The following TENM1 variants were observed in gnomAD, a reference collection of about 807,000 sequenced individuals.
The protein encoded by TENM1 is teneurin-1.
TENM1 carries 35 observed loss-of-function variants against 174.8 expected under a neutral mutation model. The observed-to-expected ratio is 0.20, with a 90% CI of 0.15 to 0.27. The LOEUF (loss-of-function observed/expected upper bound fraction) is 0.27. TENM1 is among the 10% of genes least tolerant of loss of function. The probability of loss-of-function intolerance (pLI) is 1.00; values close to 1 mark genes in which losing one functional copy is unlikely to be tolerated. For synonymous variants in TENM1, 781 were observed against 798.7 expected, an observed-to-expected ratio of 0.98 and a Z score of 0.37; for missense variants, 1,633 against 2,130.1, an observed-to-expected ratio of 0.77 and a Z score of 4.59.
At chrX:124,732,521 A>G (rs1024195175) in intron 4 of TENM1, among the ~76,000 whole-genome samples, 8 of 111,744 alleles carry the variant, frequency 7.2e-5, no homozygotes, top group African/African-American at 2.6e-4. Context: ...CCGTAGCCTC[A>G]GTTGACTATG....
chrX:125,103,005 C>T, the TENM1 span, among the ~76,000 whole-genome samples: 4 of 111,867 alleles, frequency 3.6e-5, no homozygotes, highest in Admixed American at 2.8e-4. Context: ...TAAAAAGTAT[C>T]CACGATGAAA....
chrX:125,181,873 G>T, the TENM1 span, among the ~76,000 whole-genome samples: 2 of 111,763 alleles, frequency 1.8e-5, no homozygotes. Context: ...ACCAATTTCA[G>T]CATGAAGAAT....
At chrX:124,895,835 T>C (rs1367299816) in intron 2 of TENM1, 146 bp downstream of exon 5, 11 of 625,155 alleles carry the variant, frequency 1.8e-5, no homozygotes, top group Admixed American at 3.6e-5. Flanking sequence ...CTTAGGTGCA[T>C]GCCTTGTCCA....
intron 10 of TENM1, among the ~76,000 whole-genome samples, chrX:124,644,067 A>ATATG (rs1347095742): frequency 3.1e-5 from 3 of 98,140 alleles, no homozygotes; most frequent in African/African-American, 1.1e-4. Flanking sequence ...ATATATATAT[A>ATATG]TGTGTATATA....
chrX:124,767,005 T>C (rs1334647075), intron 3 of TENM1, among the ~76,000 whole-genome samples: 1 of 112,039 alleles, frequency 8.9e-6, no homozygotes, highest in Non-Finnish European at 1.9e-5. Flanking sequence ...TTAATTACAA[T>C]GAATACAATG....
chrX:124,917,324 C>CT (rs1008700762), intron 1 of TENM1, among the ~76,000 whole-genome samples: 2 of 110,985 alleles, frequency 1.8e-5, no homozygotes, highest in South Asian at 3.8e-4. Flanking sequence ...GCCAAAAAAA[C>CT]TTTTTTTTTC....
chrX:124,601,706 A>G (rs910650895), intron 11 of TENM1, among the ~76,000 whole-genome samples: 1 of 110,024 alleles, frequency 9.1e-6, no homozygotes, highest in Non-Finnish European at 1.9e-5. Flanking sequence ...AAACCGTATG[A>G]TTTTTTTCCA....
At chrX:124,952,126 A>G (rs2058498233) in intron 1 of TENM1, among the ~76,000 whole-genome samples, 1 of 111,533 alleles carries the variant, frequency 9.0e-6, no homozygotes, top group Non-Finnish European at 1.9e-5. Flanking sequence ...CCTGGGGCTT[A>G]GAGTATGTGG....
the TENM1 span, chrX:125,203,925 C>G: frequency 8.9e-6 from 1 of 112,730 alleles, no homozygotes; most frequent in African/African-American, 3.2e-5. Context: ...CCGACTCCTG[C>G]GGGAAACGAC....
chrX:125,046,725 C>A, the TENM1 span, among the ~76,000 whole-genome samples: 2 of 111,605 alleles, frequency 1.8e-5, no homozygotes, highest in East Asian at 5.7e-4. Flanking sequence ...TCACTTCTAA[C>A]CTTTTCATGC....
At chrX:124,556,834 T>A (rs2048706620) in intron 14 of TENM1, among the ~76,000 whole-genome samples, 1 of 111,662 alleles carries the variant, frequency 9.0e-6, no homozygotes, top group Non-Finnish European at 1.9e-5. Flanking sequence ...AGAAATAAAG[T>A]TTATATTTTA....
At chrX:125,174,821 T>C in the TENM1 span, among the ~76,000 whole-genome samples, 1 of 111,455 alleles carries the variant, frequency 9.0e-6, no homozygotes, top group East Asian at 2.8e-4. Flanking sequence ...GAATAGTAGC[T>C]GAATACCCTG....
At chrX:124,546,693 C>G (rs1471526018) in intron 15 of TENM1, among the ~76,000 whole-genome samples, 181 bp downstream of exon 18, 1 of 111,443 alleles carries the variant, frequency 9.0e-6, no homozygotes, top group East Asian at 2.8e-4. Context: ...TACAGAATCT[C>G]TAGAAATGAG....
intron 27 of TENM1, among the ~76,000 whole-genome samples, chrX:124,396,715 A>G (rs1444758522): frequency 9.0e-6 from 1 of 111,632 alleles, no homozygotes; most frequent in Non-Finnish European, 1.9e-5. Context: ...AAAGCTCCAC[A>G]TTCATACAAG....
At chrX:124,700,652 C>A (rs905304678) in intron 5 of TENM1, among the ~76,000 whole-genome samples, 2 of 111,129 alleles carry the variant, frequency 1.8e-5, no homozygotes, top group African/African-American at 3.3e-5. Flanking sequence ...TGTGAGGGAG[C>A]ATTTTTATAT....
the TENM1 span, among the ~76,000 whole-genome samples, chrX:124,984,375 C>T: frequency 2.5e-4 from 28 of 112,341 alleles, no homozygotes; most frequent in Non-Finnish European, 4.5e-4. Flanking sequence ...TGGGACGAAA[C>T]GGGTTATCTC....
intron 11 of TENM1, among the ~76,000 whole-genome samples, chrX:124,596,654 G>C (rs933015889): frequency 1.8e-5 from 2 of 111,629 alleles, no homozygotes; most frequent in Non-Finnish European, 3.8e-5. Flanking sequence ...AAATGAAATA[G>C]ATAATATGTG....
the TENM1 span, among the ~76,000 whole-genome samples, chrX:124,998,290 G>T: frequency 6.4e-3 from 703 of 109,656 alleles, 2 homozygotes; most frequent in Non-Finnish European, 0.011. Context: ...GATTCAAGGA[G>T]ATTGACGTTA....
At chrX:125,195,809 AT>A in the TENM1 span, among the ~76,000 whole-genome samples, 1 of 110,964 alleles carries the variant, frequency 9.0e-6, no homozygotes, top group Non-Finnish European at 1.9e-5. Flanking sequence ...AATATCTCAT[AT>A]TATGTTTATA....
Sources: allele counts gnomAD v4.1 joint callset (sites outside exome capture counted in the v4.1 genomes callset), GRCh38; gene constraint gnomAD v4.1.1; transcripts MANE v1.5; gene names NCBI Gene and HGNC (gene_info 2026-07-23, HGNC 2026-07-21).